The following ZNF423 variants were observed in gnomAD, a reference collection of about 807,000 sequenced individuals.
The protein encoded by ZNF423 is Ebf-associated zinc finger protein.
In ZNF423, 12 loss-of-function variants were observed where a neutral mutation model predicts 95.8. The observed-to-expected ratio is 0.13, with a 90% CI of 0.08 to 0.20. The LOEUF is 0.20. Ranked by LOEUF, ZNF423 falls within the 10% of genes least tolerant of loss-of-function variation. The probability of loss-of-function intolerance (pLI) is 1.00; values close to 1 mark genes in which losing one functional copy is unlikely to be tolerated. For missense variants in ZNF423, 1,316 were observed against 1,737.1 expected (o/e 0.76, Z 4.31); for synonymous variants, 749 against 711.9 (o/e 1.05, Z -0.83).
At chr16:49,777,564 T>C (rs1016907822) in intron 2 of ZNF423, among the ~76,000 whole-genome samples, 1 of 152,216 alleles carries the variant, frequency 6.6e-6, no homozygotes, top group Admixed American at 6.5e-5. Context: ...GGCTTCTCAC[T>C]AGTGGTGTGT....
rs554565920 is a variant in ZNF423 at position 49,499,398 on chromosome 16, G to A, written c.3850-8094C>T. ...GAGCCTCAATTCATCCGGAACTCCCGGCCTAGAGGGAGATTCCAACTTCCA... is the reference window on the plus strand; with the variant it reads ...GAGCCTCAATTCATCCGGAACTCCCAGCCTAGAGGGAGATTCCAACTTCCA... On this transcript the variant is annotated intron_variant, in intron 7 of 7. Transcript: ENST00000563137. Among the ~76,000 whole-genome samples the A allele has an allele frequency of 1.7e-4, 26 of 152,352 alleles. No homozygotes were observed. In the South Asian group the frequency reaches 4.3e-3, roughly 25 times the overall value.
At chr16:49,780,895 A>G (rs2034201414) in intron 2 of ZNF423, among the ~76,000 whole-genome samples, 1 of 152,260 alleles carries the variant, frequency 6.6e-6, no homozygotes, top group Non-Finnish European at 1.5e-5. Flanking sequence ...CTCCTTTAAA[A>G]TGTCCCTTGG....
intron 1 of ZNF423, among the ~76,000 whole-genome samples, chr16:49,802,922 T>C (rs1006234972): frequency 1.3e-5 from 2 of 152,202 alleles, no homozygotes; most frequent in Non-Finnish European, 2.9e-5. Context: ...TCCGCTTTTC[T>C]AACTCAGCAG....
chr16:49,662,524 C>A (rs190356048), intron 3 of ZNF423, among the ~76,000 whole-genome samples: 2 of 152,228 alleles, frequency 1.3e-5, no homozygotes, highest in Admixed American at 6.5e-5. Context: ...TCTGCCAGCC[C>A]TGTTCGAGGC....
chr16:49,791,733 G>T (rs1175110968), intron 1 of ZNF423, among the ~76,000 whole-genome samples: 1 of 152,184 alleles, frequency 6.6e-6, no homozygotes, highest in African/African-American at 2.4e-5. Flanking sequence ...CGAACACAGT[G>T]GTTTATGCCT....
chr16:49,708,567 GGCATGAGCCACCATGCCCT>G (rs2143091591), intron 3 of ZNF423, among the ~76,000 whole-genome samples: 1 of 152,250 alleles, frequency 6.6e-6, no homozygotes, highest in Non-Finnish European at 1.5e-5. Flanking sequence ...TGAGATTACA[GGCATGAGCCACCATGCCCT>G]GCTCTTCCTT....
At chr16:49,745,499 G>A (rs1417195063) in intron 2 of ZNF423, among the ~76,000 whole-genome samples, 5 of 152,230 alleles carry the variant, frequency 3.3e-5, no homozygotes, top group Non-Finnish European at 2.9e-5. Context: ...CATCTGATCA[G>A]AAACATGGGC....
chr16:49,793,593 G>T (rs1050033757), intron 1 of ZNF423, among the ~76,000 whole-genome samples: 1 of 152,206 alleles, frequency 6.6e-6, no homozygotes, highest in Non-Finnish European at 1.5e-5. Flanking sequence ...TGTGGATGAT[G>T]GGCATTTGTA....
rs1290149800 is a variant in ZNF423, at chr16:49,798,787, C to G, written c.41-9241G>C. The stretch of plus-strand genomic sequence containing the variant: ...GAACCAGCACCTCTGGAAGCTGCCA[C>G]GCTACTACAGACTCCTCATAAACTG... On this transcript the variant is annotated intron_variant, in intron 1 of 7. Coordinates refer to ENST00000563137, the MANE Select transcript of ZNF423 (RefSeq NM_001379286.1). Among the ~76,000 whole-genome samples, 3 of 152,176 alleles carry G rather than the reference C, an allele frequency of 2.0e-5. No individual in the cohort carries two copies. In the East Asian group the frequency reaches 5.8e-4, roughly 29 times the overall value.
intron 3 of ZNF423, among the ~76,000 whole-genome samples, chr16:49,648,323 C>T (rs1973252613): frequency 6.6e-6 from 1 of 152,010 alleles, no homozygotes; most frequent in African/African-American, 2.4e-5. Context: ...CTTCTTGCTG[C>T]TAAAAAGAAA....
At chr16:49,576,986 G>A (rs1399710313) in intron 5 of ZNF423, among the ~76,000 whole-genome samples, 1 of 152,230 alleles carries the variant, frequency 6.6e-6, no homozygotes, top group Non-Finnish European at 1.5e-5. Context: ...GAGAAGACAG[G>A]CAAGTCCCTG....
intron 3 of ZNF423, among the ~76,000 whole-genome samples, chr16:49,668,739 C>T (rs147248588): frequency 9.3e-4 from 142 of 152,270 alleles, no homozygotes; most frequent in African/African-American, 3.2e-3. Context: ...GCTCTCCCAG[C>T]CCCACCCCCA....
At chr16:49,575,583 G>A (rs1970472255) in intron 5 of ZNF423, among the ~76,000 whole-genome samples, 1 of 152,202 alleles carries the variant, frequency 6.6e-6, no homozygotes, top group Admixed American at 6.5e-5. Context: ...TGCCTAGGAG[G>A]AAATGAAACC....
intron 1 of ZNF423, among the ~76,000 whole-genome samples, chr16:49,814,572 G>A (rs1200359750): frequency 1.1e-4 from 16 of 151,902 alleles, no homozygotes; most frequent in Admixed American, 1.0e-3. Context: ...GCTCAGACAG[G>A]AAACACGCTT....
At chr16:49,858,458 C>A (rs1160724884), upstream of ZNF423, among the ~76,000 whole-genome samples, 2 of 150,806 alleles carry the variant, frequency 1.3e-5, no homozygotes, top group African/African-American at 2.4e-5. This position sits in a 1 kb window ranked among gnomAD's most constrained non-coding sequence, Gnocchi z 4.3. Context: ...GGGGGCCAGG[C>A]GCGCGCGCCC....
intron 5 of ZNF423, among the ~76,000 whole-genome samples, chr16:49,591,081 T>A (rs963015159): frequency 1.4e-4 from 21 of 152,156 alleles, no homozygotes; most frequent in Non-Finnish European, 5.9e-5. Flanking sequence ...TGGGGGGAAA[T>A]GATTACAAAA....
chr16:49,493,829 G>C (rs772234458), intron 7 of ZNF423, among the ~76,000 whole-genome samples: 2 of 152,184 alleles, frequency 1.3e-5, no homozygotes, highest in Non-Finnish European at 2.9e-5. Flanking sequence ...TCCAAGTGGC[G>C]ATGCAGGCAC....
At chr16:49,769,303 C>G (rs1193197565) in intron 2 of ZNF423, among the ~76,000 whole-genome samples, 1 of 149,416 alleles carries the variant, frequency 6.7e-6, no homozygotes, top group Non-Finnish European at 1.5e-5. Context: ...TGCAGTGAGC[C>G]GAGATCGCGC....
chr16:49,805,486 G>T lies in ZNF423; in HGVS notation c.41-15940C>A, dbSNP rs940466802. On this transcript the variant is annotated intron_variant, in intron 1 of 7. Coordinates refer to ENST00000563137, the MANE Select transcript of ZNF423 (RefSeq NM_001379286.1). ...AGATGGAGCCCAGATTTGAAGCTGGGTCTACATGGCTCTGAAGTTCACCAG... is the reference window on the plus strand; with the variant it reads ...AGATGGAGCCCAGATTTGAAGCTGGTTCTACATGGCTCTGAAGTTCACCAG... Among the ~76,000 whole-genome samples the T allele has an allele frequency of 3.9e-5, 6 of 152,318 alleles. No individual in the cohort carries two copies. The East Asian group carries it at 1.2e-3, about 29-fold the overall frequency.
Sources: gnomAD v4.1 joint callset for allele counts (sites outside exome capture counted in the v4.1 genomes callset) on GRCh38, gnomAD v4.1.1 for gene constraint, Gnocchi (gnomAD v3.1) non-coding constraint, MANE v1.5 for transcripts, NCBI Gene and HGNC (gene_info 2026-07-23, HGNC 2026-07-21) for gene names.